The following ADCY8 variants were observed in gnomAD, a reference collection of about 807,000 sequenced individuals.
The protein encoded by ADCY8 is adenylate cyclase type 8.
A neutral mutation model predicts 119.7 loss-of-function variants in ADCY8; 51 were observed. The ratio of observed to expected loss-of-function variants is 0.43; its 90% CI spans 0.34 to 0.54. ADCY8 has a LOEUF of 0.54. ADCY8 is among the 20% of genes least tolerant of loss of function. ADCY8 has a pLI of 0.03. For synonymous variants in ADCY8, 665 were observed against 651.0 expected (o/e 1.02, Z -0.33); for missense variants, 1,383 against 1,598.8 (o/e 0.87, Z 2.30).
chr8:130,945,352 G>A (rs2130644217), intron 3 of ADCY8, among the ~76,000 whole-genome samples: 1 of 152,340 alleles, frequency 6.6e-6, no homozygotes, highest in Non-Finnish European at 1.5e-5. Flanking sequence ...AGCTACCTTT[G>A]GCAGAGTGAC....
At chr8:130,899,917 G>A (rs1395572763) in intron 7 of ADCY8, among the ~76,000 whole-genome samples, 1 of 152,122 alleles carries the variant, frequency 6.6e-6, no homozygotes, top group Non-Finnish European at 1.5e-5. Context: ...TCCCCCATAT[G>A]TGAAATTTTT....
chr8:130,988,472 T>C lies in ADCY8; in HGVS notation c.1110+1921A>G, dbSNP rs116441754. 8.4e-3 allele frequency among the ~76,000 whole-genome samples: 1,272 copies of C among 152,308 alleles called. 17 individuals are homozygous for C. The highest frequency in any genetic ancestry group is 0.029 in the African/African-American group (1,190 of 41,558). On this transcript the variant is annotated intron_variant, in intron 2 of 17. Transcript: ENST00000286355. ...AAATCAATGAAACTGACTTATATGT[T>C]TGTATTGCTTTCTACATAGTATCTC...
In ADCY8 at chr8:130,800,380, C is replaced by T. The variant is rs1188502204; in HGVS notation, c.3060+46G>A. 6 of 1,605,136 alleles carry T rather than the reference C, an allele frequency of 3.7e-6. No homozygotes were observed. The African/African-American group carries it at 5.4e-5, about 14-fold the overall frequency. On this transcript the variant is annotated intron_variant, in intron 15 of 17. Coordinates refer to ENST00000286355, the MANE Select transcript of ADCY8 (RefSeq NM_001115.3). ...TACAATGAATAACACAACGCTTTGA[C>T]AACGATGCCCATTTGTGATTGTAAA...
At chr8:130,788,581 A>G (rs1232981452) in intron 15 of ADCY8, among the ~76,000 whole-genome samples, 1 of 152,120 alleles carries the variant, frequency 6.6e-6, no homozygotes, top group African/African-American at 2.4e-5. Context: ...AGTGACTATA[A>G]TTAATAATAA....
intron 2 of ADCY8, among the ~76,000 whole-genome samples, chr8:130,969,615 T>G (rs1821864153): frequency 6.6e-6 from 1 of 152,202 alleles, no homozygotes; most frequent in African/African-American, 2.4e-5. Context: ...CCACAATGAT[T>G]TGCCAAAAAT....
chr8:130,962,522 TTCCCC>T (rs1821634926), intron 2 of ADCY8, among the ~76,000 whole-genome samples: 1 of 152,218 alleles, frequency 6.6e-6, no homozygotes, highest in African/African-American at 2.4e-5. Context: ...CCTGTCTGGA[TTCCCC>T]TCTCATCTCA....
At chr8:130,962,687 C>G (rs7014446) in intron 2 of ADCY8, among the ~76,000 whole-genome samples, 121,836 of 152,186 alleles carry the variant, frequency 0.8, 51,426 homozygotes, top group East Asian at 0.95. Flanking sequence ...AAGGTATCAG[C>G]GCAGCCCTGT....
intron 9 of ADCY8, among the ~76,000 whole-genome samples, chr8:130,858,987 G>A (rs766033635): frequency 4.6e-5 from 7 of 151,478 alleles, no homozygotes; most frequent in Non-Finnish European, 7.4e-5. Context: ...CTACAAGATC[G>A]CCAAGGCTAA....
intron 12 of ADCY8, among the ~76,000 whole-genome samples, chr8:130,835,873 G>A (rs1416521456): frequency 6.6e-6 from 1 of 152,060 alleles, no homozygotes; most frequent in East Asian, 1.9e-4. Flanking sequence ...AATCCACAAT[G>A]CTGTGGATAT....
At chr8:130,787,577 ATGTG>A (rs1464165820) in intron 15 of ADCY8, among the ~76,000 whole-genome samples, 24 of 151,950 alleles carry the variant, frequency 1.6e-4, no homozygotes, top group East Asian at 7.7e-4. Flanking sequence ...ATTTGTAGTG[ATGTG>A]TGTATGTCTA....
At chr8:130,889,610 T>C (rs1819112716) in intron 7 of ADCY8, among the ~76,000 whole-genome samples, 1 of 152,208 alleles carries the variant, frequency 6.6e-6, no homozygotes, top group African/African-American at 2.4e-5. Context: ...TCTCCCTTCA[T>C]GTGGCTGCTT....
In ADCY8 at chr8:130,814,053, C is replaced by T; in HGVS notation, c.2913+16G>A. ...CCACCACCCTTTCTCACTGGCTAGACCAGCCCCTGGCTCACCTCATTGTCT... is the reference window on the plus strand; with the variant it reads ...CCACCACCCTTTCTCACTGGCTAGATCAGCCCCTGGCTCACCTCATTGTCT... On this transcript the variant is annotated intron_variant, in intron 14 of 17. Coordinates refer to ENST00000286355, the MANE Select transcript of ADCY8 (RefSeq NM_001115.3). The T allele has an allele frequency of 6.2e-7, 1 of 1,613,918 alleles. No homozygotes were observed. Among genetic ancestry groups the T allele is most frequent in the Non-Finnish European group, 8.5e-7 (1 of 1,179,960 alleles).
At chr8:130,973,250 A>G (rs1400273442) in intron 2 of ADCY8, among the ~76,000 whole-genome samples, 1 of 152,256 alleles carries the variant, frequency 6.6e-6, no homozygotes, top group Non-Finnish European at 1.5e-5. Context: ...ACATATGTGC[A>G]TAATAATTCC....
intron 2 of ADCY8, among the ~76,000 whole-genome samples, chr8:130,960,515 C>A (rs1461174501): frequency 1.3e-5 from 2 of 152,072 alleles, no homozygotes; most frequent in African/African-American, 4.8e-5. Context: ...TTCAGCATGT[C>A]TTACTTTAGG....
At chr8:130,925,378 T>G (rs1228120758) in intron 5 of ADCY8, among the ~76,000 whole-genome samples, 1 of 152,194 alleles carries the variant, frequency 6.6e-6, no homozygotes, top group Non-Finnish European at 1.5e-5. Flanking sequence ...ATTAAAAATA[T>G]TTCCATAGTG....
intron 2 of ADCY8, among the ~76,000 whole-genome samples, chr8:130,990,190 A>G (rs1259282641): frequency 6.6e-6 from 1 of 152,224 alleles, no homozygotes; most frequent in East Asian, 1.9e-4. Flanking sequence ...CTTATGGGGA[A>G]CGATGAATTG....
intron 8 of ADCY8, among the ~76,000 whole-genome samples, chr8:130,883,825 G>T (rs1818873307): frequency 6.6e-6 from 1 of 152,218 alleles, no homozygotes; most frequent in East Asian, 1.9e-4. Context: ...TGGGGGAGGG[G>T]AATGGAAAAA....
intron 8 of ADCY8, among the ~76,000 whole-genome samples, chr8:130,879,891 T>C (rs1818704771): frequency 1.3e-5 from 2 of 152,148 alleles, no homozygotes; most frequent in African/African-American, 4.8e-5. Context: ...CCAAATCTCA[T>C]CTTGTAGCTC....
intron 1 of ADCY8, among the ~76,000 whole-genome samples, chr8:131,009,214 G>T (rs1226025337): frequency 6.6e-6 from 1 of 152,132 alleles, no homozygotes; most frequent in Non-Finnish European, 1.5e-5. Context: ...CCCCATCACA[G>T]GCCTGGAGGC....
Sources: gnomAD v4.1 joint callset for allele counts (sites outside exome capture counted in the v4.1 genomes callset) on GRCh38, gnomAD v4.1.1 for gene constraint, MANE v1.5 for transcripts, NCBI Gene and HGNC (gene_info 2026-07-23, HGNC 2026-07-21) for gene names.